Variants in ZBTB41 observed in about 807,000 individuals in gnomAD.
The protein encoded by ZBTB41 is zinc finger and BTB domain-containing protein 41.
In ZBTB41, 42 loss-of-function variants were observed where a neutral mutation model predicts 87.6. The ratio of observed to expected loss-of-function variants is 0.48; its 90% CI spans 0.37 to 0.62. ZBTB41 has a LOEUF of 0.62. ZBTB41 is among the 20% of genes least tolerant of loss of function. ZBTB41 has a pLI of 0.00. For synonymous variants in ZBTB41, 364 were observed against 364.0 expected, an observed-to-expected ratio of 1.00 and a Z score of 0.00; for missense variants, 799 against 1,078.9, an observed-to-expected ratio of 0.74 and a Z score of 3.63.
At position 197,200,552 on chromosome 1, in the gene ZBTB41, T is replaced by A. The variant is rs543142889; in HGVS notation, c.-79A>T. Reference sequence around the variant, plus strand: ...TAAAGGAAAACTAGATTGTCTTGGATAACAGCTTCTGAAGGGGCGTGCCCA... The same window carrying A: ...TAAAGGAAAACTAGATTGTCTTGGAAAACAGCTTCTGAAGGGGCGTGCCCA... On this transcript the variant is annotated 5_prime_UTR_variant, in exon 2 of 11. Transcript: ENST00000367405. The A allele has an allele frequency of 1.4e-6, 2 of 1,407,588 alleles. No homozygotes were observed. Among genetic ancestry groups the A allele is most frequent in the Non-Finnish European group, 1.9e-6 (2 of 1,057,496 alleles). 87.2% of individuals were successfully genotyped at this position (1,407,588 alleles called of 1,614,324 possible).
rs1363971184 is a variant in ZBTB41 at position 197,175,181 on chromosome 1, A to G, written c.1880-66T>C. The G allele has an allele frequency of 9.0e-6, 12 of 1,335,500 alleles. No homozygotes were observed. The African/African-American group carries it at 1.0e-4, about 12-fold the overall frequency. 82.7% of individuals were successfully genotyped at this position (1,335,500 alleles called of 1,614,324 possible). A position where few individuals can be genotyped will look rare whatever the true frequency, so the allele number is the denominator to read the frequency against. On this transcript the variant is annotated intron_variant, in intron 8 of 10. Coordinates refer to ENST00000367405, the MANE Select transcript of ZBTB41 (RefSeq NM_194314.3). ...CTCAGGTTTTTATCCCCAGAAACAA[A>G]CTATCAAACAGTAAGATCACATGAT...
At position 197,153,854 on chromosome 1, in the gene ZBTB41, C is replaced by T. The variant is rs1317834627; in HGVS notation, c.*5505G>A. 6.6e-6 allele frequency: 1 copy of T among 152,156 alleles called. No individual in the cohort carries two copies. The highest frequency in any genetic ancestry group is 1.5e-5 in the Non-Finnish European group (1 of 68,000). The allele number at this position is 152,156 out of a possible 1,614,324, so 9.4% of individuals were successfully genotyped here. A position where few individuals can be genotyped will look rare whatever the true frequency, so the allele number is the denominator to read the frequency against. On this transcript the variant is annotated 3_prime_UTR_variant, in exon 11 of 11. Coordinates refer to ENST00000367405, the MANE Select transcript of ZBTB41 (RefSeq NM_194314.3). Reference sequence around the variant, plus strand: ...TGTATAAAACTCACAAGATATTTTACACACAGTTCACAATAATTAATTCTG... The same window carrying T: ...TGTATAAAACTCACAAGATATTTTATACACAGTTCACAATAATTAATTCTG...
chr1:197,160,022 A>C lies in ZBTB41; in HGVS notation c.2075-8T>G, dbSNP rs1659161562. 2.5e-6 allele frequency: 4 copies of C among 1,595,752 alleles called. No individual in the cohort carries two copies. Among genetic ancestry groups the C allele is most frequent in the Non-Finnish European group, 3.4e-6 (4 of 1,167,424 alleles). On this transcript the variant is annotated splice_region_variant and splice_polypyrimidine_tract_variant and intron_variant, in intron 10 of 10. Coordinates refer to ENST00000367405, the MANE Select transcript of ZBTB41 (RefSeq NM_194314.3). ...ACTTGTATGGTTTTTCACCTATATGAATGAACAAGAATATAATTAGATGTA... is the reference window on the plus strand; with the variant it reads ...ACTTGTATGGTTTTTCACCTATATGCATGAACAAGAATATAATTAGATGTA...
In ZBTB41 at chr1:197,159,461, T is replaced by A; in HGVS notation, c.2628A>T (p.Glu876Asp). 1 of 1,613,966 alleles carries A rather than the reference T, an allele frequency of 6.2e-7. No homozygotes were observed. Among genetic ancestry groups the A allele is most frequent in the Non-Finnish European group, 8.5e-7 (1 of 1,179,848 alleles). ...ATTGTTCTCTAGGATCTAGCATTTG[T>A]TCAGGTCGAACTGGGTGAACTATAT... ...PANIVHPVRPEQMLDPREQSY... is the reference protein window; with the variant it reads ...PANIVHPVRPDQMLDPREQSY... The change falls in exon 11 of 11, where the codon GAA (glutamate) becomes GAT (aspartate). Residue 876 changes from glutamate to aspartate, a missense_variant. Physicochemically the swap from Glu to Asp is conservative, Grantham distance 45 (BLOSUM62 2). This residue lies in a region of ZBTB41 where 171 missense variants were observed against 191.9 expected (regional missense o/e 0.89). Transcript: ENST00000367405.
At chr1:197,197,873 C>G (rs1427415442) in intron 2 of ZBTB41, among the ~76,000 whole-genome samples, 1 of 152,184 alleles carries the variant, frequency 6.6e-6, no homozygotes, top group African/African-American at 2.4e-5. Context: ...TAGCATGTCA[C>G]GGGACTAATG....
Position 197,157,242 on chromosome 1 carries a change from A to G in ZBTB41, c.*2117T>C, listed in dbSNP as rs1200659383. On this transcript the variant is annotated 3_prime_UTR_variant, in exon 11 of 11. Coordinates refer to ENST00000367405, the MANE Select transcript of ZBTB41 (RefSeq NM_194314.3). ...TAAAGTAAATACCTTCAAAAATCAA[A>G]GTATTCTTTTCAATGTGAAAATGCA... The G allele has an allele frequency of 1.3e-5, 2 of 152,064 alleles. No homozygotes were observed. Among genetic ancestry groups the G allele is most frequent in the Non-Finnish European group, 3.0e-5 (2 of 67,674 alleles). The allele number at this position is 152,064 out of a possible 1,614,324, so 9.4% of individuals were successfully genotyped here.
At chr1:197,183,810 T>A (rs899360821) in intron 5 of ZBTB41, among the ~76,000 whole-genome samples, 1 of 152,136 alleles carries the variant, frequency 6.6e-6, no homozygotes, top group African/African-American at 2.4e-5. Flanking sequence ...CACCTCTCAT[T>A]ATTGGTATGC....
At chr1:197,195,183 C>T (rs1240345507) in intron 2 of ZBTB41, among the ~76,000 whole-genome samples, 1 of 152,010 alleles carries the variant, frequency 6.6e-6, no homozygotes, top group African/African-American at 2.4e-5. Flanking sequence ...TAAACTACAC[C>T]CAAGCATTCC....
chr1:197,176,872 G>T (rs567039208), intron 7 of ZBTB41, among the ~76,000 whole-genome samples: 19 of 152,146 alleles, frequency 1.2e-4, no homozygotes, highest in Admixed American at 8.5e-4. Context: ...TCTCTTTCAA[G>T]AAAGCATTTC....
At chr1:197,189,187 G>A (rs776845412) in intron 4 of ZBTB41, among the ~76,000 whole-genome samples, 24 of 152,126 alleles carry the variant, frequency 1.6e-4, no homozygotes, top group Middle Eastern at 3.4e-3. Flanking sequence ...TTGAATCTTG[G>A]ATTAAAGAAG....
chr1:197,180,553 A>G (rs1212382331), intron 6 of ZBTB41, among the ~76,000 whole-genome samples: 2 of 149,402 alleles, frequency 1.3e-5, no homozygotes, highest in Non-Finnish European at 2.9e-5. Flanking sequence ...AAATATCTCT[A>G]AAGATATTCC....
intron 8 of ZBTB41, among the ~76,000 whole-genome samples, 157 bp from the exon 9 acceptor site, chr1:197,175,272 A>G (rs965614238): frequency 4.0e-5 from 6 of 151,502 alleles, no homozygotes; most frequent in Non-Finnish European, 7.4e-5. Flanking sequence ...TTCCTTACTC[A>G]AATAACTTTC....
intron 10 of ZBTB41, among the ~76,000 whole-genome samples, chr1:197,169,836 T>C (rs370187582): frequency 1.6e-4 from 25 of 152,038 alleles, no homozygotes; most frequent in East Asian, 5.8e-4. Context: ...TGTTAAAGAA[T>C]AGATGTAATC....
chr1:197,162,140 T>C (rs1304096313), intron 10 of ZBTB41, among the ~76,000 whole-genome samples: 4 of 152,106 alleles, frequency 2.6e-5, no homozygotes, highest in Non-Finnish European at 5.9e-5. Flanking sequence ...TCATTTTCAA[T>C]AGAAAAATCA....
Position 197,197,808 on chromosome 1 carries a change from G to A in ZBTB41, c.1120+1546C>T, listed in dbSNP as rs539565562. Among the ~76,000 whole-genome samples, 168 of 152,290 alleles carry A rather than the reference G, an allele frequency of 1.1e-3. 1 individual carries two copies. In the Middle Eastern group the frequency reaches 0.017, roughly 16 times the overall value. Reference sequence around the variant, plus strand: ...ACTAAAGAATTGGGCAGTTAAAACCGATTGTGAATTACGTAGTTCCCAATC... The same window carrying A: ...ACTAAAGAATTGGGCAGTTAAAACCAATTGTGAATTACGTAGTTCCCAATC... On this transcript the variant is annotated intron_variant, in intron 2 of 10. Coordinates refer to ENST00000367405, the MANE Select transcript of ZBTB41 (RefSeq NM_194314.3).
At chr1:197,191,185 C>T (rs61819124) in intron 3 of ZBTB41, among the ~76,000 whole-genome samples, 45,940 of 151,674 alleles carry the variant, frequency 0.3, 8,688 homozygotes, top group Middle Eastern at 0.45. Flanking sequence ...CTTGACCGGG[C>T]GTGGTGGCTC....
rs762545963 is a variant in ZBTB41, at chr1:197,200,524, T to G, written c.-51A>C. The stretch of plus-strand genomic sequence containing the variant: ...AAACTTCATAAGTGTCTTAAGTGAT[T>G]TATAAAGGAAAACTAGATTGTCTTG... On this transcript the variant is annotated 5_prime_UTR_variant, in exon 2 of 11. Coordinates refer to ENST00000367405, the MANE Select transcript of ZBTB41 (RefSeq NM_194314.3). 5 of 1,497,890 alleles carry G rather than the reference T, an allele frequency of 3.3e-6. No homozygotes were observed. Among genetic ancestry groups the G allele is most frequent in the Non-Finnish European group, 2.7e-6 (3 of 1,126,468 alleles). The allele number at this position is 1,497,890 out of a possible 1,614,324, so 92.8% of individuals were successfully genotyped here. A position where few individuals can be genotyped will look rare whatever the true frequency, so the allele number is the denominator to read the frequency against.
intron 9 of ZBTB41, among the ~76,000 whole-genome samples, chr1:197,173,023 A>T (rs1449793773): frequency 2.0e-5 from 3 of 152,142 alleles, no homozygotes; most frequent in Non-Finnish European, 4.4e-5. Flanking sequence ...GTGCCTAAGA[A>T]GTGTCTTTGA....
rs1197311649 is a variant in ZBTB41, at chr1:197,175,448, A to ATATATATATATATATATATATC, written c.1880-334_1880-333insGATATATATATATATATATATA. On this transcript the variant is annotated intron_variant, in intron 8 of 10. Coordinates refer to ENST00000367405, the MANE Select transcript of ZBTB41 (RefSeq NM_194314.3). ...GAATTTTAAATATATATATATATAT[A>ATATATATATATATATATATATC]TGTCTGTATATCAAACACCTCAAAT... is the stretch of plus-strand genomic sequence containing the variant. Among the ~76,000 whole-genome samples, 16 of 142,490 alleles carry ATATATATATATATATATATATC rather than the reference A, an allele frequency of 1.1e-4. 2 individuals are homozygous for ATATATATATATATATATATATC. Among genetic ancestry groups the ATATATATATATATATATATATC allele is most frequent in the Non-Finnish European group, 7.7e-5 (5 of 64,794 alleles). The allele number at this position is 142,490 out of a possible 152,430, so 93.5% of individuals were successfully genotyped here.
Sources: allele counts gnomAD v4.1 joint callset (sites outside exome capture counted in the v4.1 genomes callset), GRCh38; gene constraint gnomAD v4.1.1; regional missense constraint gnomAD v4.1.1; transcripts MANE v1.5; gene names NCBI Gene and HGNC (gene_info 2026-07-23, HGNC 2026-07-21).